Variants in ERI1 observed in about 807,000 individuals in gnomAD.
ERI1 encodes the protein exoribonuclease 1, also known as 3'-5' exoribonuclease 1.
In ERI1, 39 loss-of-function variants were observed where a neutral mutation model predicts 39.7. The observed-to-expected ratio is 0.98, with a 90% CI of 0.76 to 1.28. The LOEUF is 1.28. Ranked by LOEUF, ERI1 falls within the 50% of genes most tolerant of loss-of-function variation. The probability of loss-of-function intolerance (pLI) is 0.00; values close to 1 mark genes in which losing one functional copy is unlikely to be tolerated. For missense variants in ERI1, 581 were observed against 416.9 expected (o/e 1.39, Z -3.43); for synonymous variants, 204 against 149.6 (o/e 1.36, Z -2.65).
chr8:9,007,970 G>GA lies in ERI1; in HGVS notation c.112dup (p.Thr38AsnfsTer5). On this transcript the variant is annotated frameshift_variant and splice_region_variant, in exon 2 of 7. Transcript: ENST00000250263. LOFTEE classifies it high-confidence loss of function. ...TTTTTTTTTTTTTTTTTTTTGGTAG[G>GA]AAACTCAACAGTGTAAATTTGATGG... is the stretch of plus-strand genomic sequence containing the variant. The GA allele has an allele frequency of 1.3e-6, 1 of 766,012 alleles. No homozygotes were observed. The highest frequency in any genetic ancestry group is 1.9e-6 in the Non-Finnish European group (1 of 519,986). The allele number at this position is 766,012 out of a possible 1,614,324, so 47.5% of individuals were successfully genotyped here. A position where few individuals can be genotyped will look rare whatever the true frequency, so the allele number is the denominator to read the frequency against.
At chr8:9,065,519 C>T (rs1017063844) in intron 3 of ERI1, among the ~76,000 whole-genome samples, 11 of 151,842 alleles carry the variant, frequency 7.2e-5, no homozygotes, top group Admixed American at 2.6e-4. Context: ...CGTGGTGAAA[C>T]GCCGTCTCTA....
intron 3 of ERI1, among the ~76,000 whole-genome samples, chr8:9,063,419 G>T (rs13250674): frequency 0.14 from 21,990 of 152,098 alleles, 1,727 homozygotes; most frequent in African/African-American, 0.19. Flanking sequence ...GTCATGGAAT[G>T]AAACTGTAAG....
rs542431974 is a variant in ERI1, at chr8:9,020,088, G to A, written c.693-262G>A. The stretch of plus-strand genomic sequence containing the variant: ...ATAATACTCAGCAAGATAGAAGCCT[G>A]CCCAGAACCATGAAAACAATCAAGA... On this transcript the variant is annotated intron_variant, in intron 5 of 6. Coordinates refer to ENST00000250263, the MANE Select transcript of ERI1 (RefSeq NM_153332.4). Among the ~76,000 whole-genome samples the A allele has an allele frequency of 1.6e-3, 245 of 152,232 alleles. 2 individuals carry two copies. The highest frequency in any genetic ancestry group is 2.1e-4 in the South Asian group (1 of 4,824).
At chr8:9,095,565 G>C (rs1312198936) in intron 3 of ERI1, among the ~76,000 whole-genome samples, 1 of 152,002 alleles carries the variant, frequency 6.6e-6, no homozygotes, top group Non-Finnish European at 1.5e-5. Flanking sequence ...GAGTGCAGTA[G>C]CCTGATAATG....
chr8:9,046,142 G>A (rs1379040545), intron 3 of ERI1, among the ~76,000 whole-genome samples: 1 of 152,182 alleles, frequency 6.6e-6, no homozygotes, highest in African/African-American at 2.4e-5. Context: ...TGGCTGAGAG[G>A]ACCGCTGCTG....
intron 6 of ERI1, among the ~76,000 whole-genome samples, chr8:9,028,850 C>G (rs1317072635): frequency 1.3e-5 from 2 of 152,104 alleles, no homozygotes; most frequent in African/African-American, 4.8e-5. Context: ...TCTTGAACTC[C>G]TGACCTCAGG....
At chr8:9,087,651 C>T (rs1413135820) in intron 3 of ERI1, among the ~76,000 whole-genome samples, 1 of 152,180 alleles carries the variant, frequency 6.6e-6, no homozygotes, top group African/African-American at 2.4e-5. Flanking sequence ...CAGATACAGA[C>T]ATCTTAGTTT....
At chr8:9,046,426 G>A (rs1798176467) in intron 3 of ERI1, among the ~76,000 whole-genome samples, 1 of 152,154 alleles carries the variant, frequency 6.6e-6, no homozygotes, top group African/African-American at 2.4e-5. Context: ...AGGCCACACT[G>A]CACACGGCCA....
At chr8:9,059,816 G>A (rs2117394025) in intron 3 of ERI1, among the ~76,000 whole-genome samples, 1 of 152,330 alleles carries the variant, frequency 6.6e-6, no homozygotes, top group East Asian at 1.9e-4. Context: ...CAAGAGCAGG[G>A]CATGTATGAG....
downstream of ERI1, among the ~76,000 whole-genome samples, chr8:9,034,410 CTATT>C (rs576531539): frequency 5.3e-5 from 8 of 152,134 alleles, no homozygotes; most frequent in South Asian, 2.1e-4. Context: ...TGGAGAAAGT[CTATT>C]TATGTCATTT....
At chr8:9,051,441 G>C (rs2117373914) in intron 3 of ERI1, among the ~76,000 whole-genome samples, 1 of 152,214 alleles carries the variant, frequency 6.6e-6, no homozygotes, top group East Asian at 1.9e-4. Context: ...CAGATCCCTT[G>C]AGGTCAGGAG....
chr8:9,089,253 CTTT>C (rs1362521688), intron 3 of ERI1, among the ~76,000 whole-genome samples: 1 of 152,138 alleles, frequency 6.6e-6, no homozygotes, highest in African/African-American at 2.4e-5. Context: ...TTCTCACCTT[CTTT>C]AATTTATTTA....
chr8:9,063,479 G>A (rs945173246), intron 3 of ERI1, among the ~76,000 whole-genome samples: 33 of 152,270 alleles, frequency 2.2e-4, no homozygotes, highest in South Asian at 6.2e-4. Context: ...TAGGGTGGAG[G>A]AGCGGAGGCT....
At chr8:9,004,621 G>C (rs1384116564) in intron 1 of ERI1, among the ~76,000 whole-genome samples, 1 of 150,276 alleles carries the variant, frequency 6.7e-6, no homozygotes, top group South Asian at 2.1e-4. Context: ...CTGTGATCGT[G>C]CCACTGCACT....
chr8:9,065,284 C>T (rs77288284), intron 3 of ERI1, among the ~76,000 whole-genome samples: 1 of 152,096 alleles, frequency 6.6e-6, no homozygotes, highest in East Asian at 1.9e-4. Context: ...TTGCTTCTTT[C>T]TACGAGGTTT....
At chr8:9,017,455 A>AT (rs1817425375) in intron 4 of ERI1, among the ~76,000 whole-genome samples, 1 of 152,200 alleles carries the variant, frequency 6.6e-6, no homozygotes, top group Admixed American at 6.5e-5. Context: ...ACTATAATAT[A>AT]TGCCAGCATT....
intron 3 of ERI1, among the ~76,000 whole-genome samples, chr8:9,099,511 G>T (rs1398226659): frequency 6.6e-6 from 1 of 151,104 alleles, no homozygotes; most frequent in African/African-American, 2.4e-5. Context: ...GGAAGAATCA[G>T]TTGAGCCTGG....
rs1296124658 is a variant in ERI1 at position 9,099,892 on chromosome 8, A to ATGTGGCTGAGTCAGTGG, written n.300-16456_300-16455insTGTGGCTGAGTCAGTGG. The stretch of plus-strand genomic sequence containing the variant: ...GAGTGGAATTGCTGAGTCATGTGGC[A>ATGTGGCTGAGTCAGTGG]AACTACCAGTTCTGTTGAACCTCAG... On this transcript the variant is annotated intron_variant and non_coding_transcript_variant, in intron 3 of 3. Coordinates refer to the ERI1 transcript ENST00000518663. 1.9e-3 allele frequency: 283 copies of ATGTGGCTGAGTCAGTGG among 152,324 alleles called. 1 individual carries two copies. Among genetic ancestry groups the ATGTGGCTGAGTCAGTGG allele is most frequent in the African/African-American group, 6.2e-3 (256 of 41,570 alleles). 9.4% of individuals were successfully genotyped at this position (152,324 alleles called of 1,614,324 possible). A position where few individuals can be genotyped will look rare whatever the true frequency, so the allele number is the denominator to read the frequency against.
intron 3 of ERI1, among the ~76,000 whole-genome samples, chr8:9,069,386 C>T (rs1798980132): frequency 6.6e-6 from 1 of 151,898 alleles, no homozygotes; most frequent in Non-Finnish European, 1.5e-5. Flanking sequence ...ATTTTTATTC[C>T]AACAGATTTT....
Sources: allele counts gnomAD v4.1 joint callset (sites outside exome capture counted in the v4.1 genomes callset), GRCh38; gene constraint gnomAD v4.1.1; transcripts MANE v1.5; gene names NCBI Gene and HGNC (gene_info 2026-07-23, HGNC 2026-07-21).